The following PTPRD variants were observed in gnomAD, a reference collection of about 807,000 sequenced individuals.
PTPRD encodes the protein protein tyrosine phosphatase receptor type D.
Under a neutral mutation model 214.5 loss-of-function variants are expected in PTPRD, and 34 were observed. That is an observed-to-expected ratio of 0.16 (90% CI 0.12 to 0.21). The LOEUF is 0.21. PTPRD is among the 10% of genes least tolerant of loss of function. The probability of loss-of-function intolerance (pLI) is 1.00; values close to 1 mark genes in which losing one functional copy is unlikely to be tolerated. For missense variants in PTPRD, 2,545 were observed against 2,398.7 expected, an observed-to-expected ratio of 1.06 and a Z score of -1.27; for synonymous variants, 1,128 against 845.7, an observed-to-expected ratio of 1.33 and a Z score of -5.79.
intron 3 of PTPRD, among the ~76,000 whole-genome samples, chr9:10,206,653 G>C (rs536844682): frequency 1.3e-5 from 2 of 152,252 alleles, no homozygotes; most frequent in Admixed American, 1.3e-4. Context: ...AAAAAGTTTT[G>C]TAAAGCAAAG....
chr9:9,398,347 T>C (rs1275262395), intron 8 of PTPRD, among the ~76,000 whole-genome samples: 4 of 152,056 alleles, frequency 2.6e-5, no homozygotes, highest in African/African-American at 7.2e-5. Context: ...TTGGTGTTTA[T>C]GCCTTAACCC....
In PTPRD at chr9:8,485,793, A is replaced by G. The variant is rs2096989544; in HGVS notation, c.3024T>C (p.Ser1008=). ...TSKGPGPYSP[S]VQFRTLPVDQ... is the part of the protein sequence containing the mutation. ...CCACAGGCAGTGTCCTGAACTGGAC[A>G]CTGGGACTATATGGCCCGGGCCCTT... The change falls in exon 28 of 46, where the codon AGT becomes AGC. Residue 1008 remains serine (S), a synonymous_variant. Transcript: ENST00000381196. 1.2e-6 allele frequency: 2 copies of G among 1,613,652 alleles called. No homozygotes were observed. Among genetic ancestry groups the G allele is most frequent in the Non-Finnish European group, 1.7e-6 (2 of 1,179,942 alleles).
At position 9,693,296 on chromosome 9, in the gene PTPRD, G is replaced by A. The variant is rs185279426; in HGVS notation, c.-287+41237C>T. Among the ~76,000 whole-genome samples, 127 of 152,140 alleles carry A rather than the reference G, an allele frequency of 8.3e-4. 3 individuals are homozygous for A. The East Asian group carries it at 0.023, about 27-fold the overall frequency. ...ATCTGGTGAGAAGTGACTGGGTTAG[G>A]GGAATGGTTTCCCGCATAATGTTCT... On this transcript the variant is annotated intron_variant, in intron 7 of 45. Transcript: ENST00000381196.
intron 8 of PTPRD, among the ~76,000 whole-genome samples, chr9:9,462,998 A>G (rs2093800328): frequency 6.6e-6 from 1 of 152,180 alleles, no homozygotes; most frequent in Non-Finnish European, 1.5e-5. Flanking sequence ...CTGACTACCA[A>G]AAGTAAAAAA....
At chr9:9,620,693 A>T (rs1371584480) in intron 7 of PTPRD, among the ~76,000 whole-genome samples, 3 of 152,128 alleles carry the variant, frequency 2.0e-5, no homozygotes, top group Non-Finnish European at 4.4e-5. Flanking sequence ...TGACACAATT[A>T]AAACAGGTTC....
chr9:9,064,552 T>C (rs951756685), intron 10 of PTPRD, among the ~76,000 whole-genome samples: 1 of 152,194 alleles, frequency 6.6e-6, no homozygotes, highest in Non-Finnish European at 1.5e-5. Context: ...TGTGTGACAC[T>C]GATGAACATG....
At chr9:10,282,132 G>A (rs1313074433) in intron 3 of PTPRD, among the ~76,000 whole-genome samples, 1 of 152,068 alleles carries the variant, frequency 6.6e-6, no homozygotes, top group South Asian at 2.1e-4. Context: ...TTTCTACTCT[G>A]GTAGAACTGG....
intron 9 of PTPRD, among the ~76,000 whole-genome samples, chr9:9,271,007 T>A (rs1047893589): frequency 2.0e-5 from 3 of 151,312 alleles, no homozygotes; most frequent in African/African-American, 4.8e-5. Context: ...GGGTTGGGGA[T>A]AAAGGGTTCT....
rs570499249 is a variant in PTPRD at position 8,519,278 on chromosome 9, C to T, written c.962-849G>A. Among the ~76,000 whole-genome samples, 17 of 152,212 alleles carry T rather than the reference C, an allele frequency of 1.1e-4. No individual in the cohort carries two copies. In the South Asian group the frequency reaches 3.5e-3, roughly 32 times the overall value. On this transcript the variant is annotated intron_variant, in intron 20 of 45. Transcript: ENST00000381196. Reference sequence around the variant, plus strand: ...AATGTAGCTACATGACAAATATTTGCAATAAAATCCATCTTTTTAGAGGTC... The same window carrying T: ...AATGTAGCTACATGACAAATATTTGTAATAAAATCCATCTTTTTAGAGGTC...
chr9:9,712,219 G>A (rs2097750392), intron 7 of PTPRD, among the ~76,000 whole-genome samples: 2 of 152,082 alleles, frequency 1.3e-5, no homozygotes, highest in Admixed American at 1.3e-4. Flanking sequence ...TTAAAAAGTA[G>A]CCATCTGGAC....
rs1045483941 is a variant in PTPRD at position 8,703,751 on chromosome 9, G to A, written c.64+30029C>T. ...GCTCTGTCACCATTTATATGCTAGC[G>A]ACTTCCAAGAGAATATCCCCAGCCC... On this transcript the variant is annotated intron_variant, in intron 12 of 45. Coordinates refer to ENST00000381196, the MANE Select transcript of PTPRD (RefSeq NM_002839.4). 2.6e-5 allele frequency among the ~76,000 whole-genome samples: 4 copies of A among 152,000 alleles called. No homozygotes were observed. The South Asian group carries it at 6.2e-4, about 24-fold the overall frequency.
intron 3 of PTPRD, among the ~76,000 whole-genome samples, chr9:10,066,483 G>A (rs924656999): frequency 1.3e-5 from 2 of 151,722 alleles, no homozygotes; most frequent in African/African-American, 4.8e-5. Context: ...TCACACATAT[G>A]ACTCATTTCA....
At chr9:9,885,561 G>T (rs1204233544) in intron 5 of PTPRD, among the ~76,000 whole-genome samples, 1 of 151,994 alleles carries the variant, frequency 6.6e-6, no homozygotes, top group Non-Finnish European at 1.5e-5. Context: ...TTTGAGATGG[G>T]GGGACTAGTC....
chr9:8,486,529 A>G, intron 27 of PTPRD, 180 bp from the exon 28 acceptor site: 1 of 721,438 alleles, frequency 1.4e-6, no homozygotes, highest in Non-Finnish European at 2.5e-6. Context: ...GTCTTACTTT[A>G]TTAAAGTAGG....
At chr9:8,740,722 A>C (rs1159772756) in intron 11 of PTPRD, among the ~76,000 whole-genome samples, 2 of 151,880 alleles carry the variant, frequency 1.3e-5, no homozygotes, top group Middle Eastern at 3.2e-3. Context: ...GTTTTGCCCT[A>C]AACATGTTTT....
At chr9:10,216,108 T>C (rs1265444027) in intron 3 of PTPRD, among the ~76,000 whole-genome samples, 1 of 152,020 alleles carries the variant, frequency 6.6e-6, no homozygotes, top group African/African-American at 2.4e-5. Flanking sequence ...ACTAACACTG[T>C]CTTTATTTAA....
intron 12 of PTPRD, among the ~76,000 whole-genome samples, chr9:8,693,226 G>A (rs2097845430): frequency 1.3e-5 from 2 of 152,144 alleles, no homozygotes; most frequent in East Asian, 3.9e-4. Context: ...AAGCAGCTCT[G>A]TAAATCCTGT....
chr9:8,618,035 T>A (rs1434421329), intron 14 of PTPRD, among the ~76,000 whole-genome samples: 1 of 152,112 alleles, frequency 6.6e-6, no homozygotes, highest in African/African-American at 2.4e-5. Context: ...ATTGTCAGAG[T>A]AGTGAAGAAT....
chr9:8,646,869 C>T (rs2096705552), intron 12 of PTPRD, among the ~76,000 whole-genome samples: 1 of 152,134 alleles, frequency 6.6e-6, no homozygotes, highest in South Asian at 2.1e-4. Flanking sequence ...AAAGGCTGTC[C>T]CAGATACTAT....
Sources: allele counts gnomAD v4.1 joint callset (sites outside exome capture counted in the v4.1 genomes callset), GRCh38; gene constraint gnomAD v4.1.1; transcripts MANE v1.5; gene names NCBI Gene and HGNC (gene_info 2026-07-23, HGNC 2026-07-21).